The following CARS1 variants were observed in gnomAD, a reference collection of about 807,000 sequenced individuals.
CARS1 encodes cysteinyl-tRNA synthetase 1, also known as cysteine--tRNA ligase, cytoplasmic.
CARS1 carries 48 observed loss-of-function variants against 106.2 expected under a neutral mutation model. That is an observed-to-expected ratio of 0.45 (90% CI 0.36 to 0.57). CARS1 has a LOEUF of 0.57. Ranked by LOEUF, CARS1 falls within the 20% of genes least tolerant of loss-of-function variation. CARS1 has a pLI of 0.00. For missense variants in CARS1, 968 were observed against 1,057.2 expected (o/e 0.92, Z 1.17); for synonymous variants, 409 against 403.4 (o/e 1.01, Z -0.17).
rs1196647996 is a variant in CARS1 at position 3,038,606 on chromosome 11, T to C, written c.652-407A>G. Among the ~76,000 whole-genome samples, 2 of 152,222 alleles carry C rather than the reference T, an allele frequency of 1.3e-5. No individual in the cohort carries two copies. Among genetic ancestry groups the C allele is most frequent in the African/African-American group, 4.8e-5 (2 of 41,432 alleles). On this transcript the variant is annotated intron_variant, in intron 6 of 22. Coordinates refer to ENST00000380525, the MANE Select transcript of CARS1 (RefSeq NM_001014437.3). The surrounding 1 kb of genome is among the most constrained non-coding windows in gnomAD (Gnocchi z 4.0). The stretch of plus-strand genomic sequence containing the variant: ...AAAGATTGCTCAGCTCTAATTTTAT[T>C]CCTGTTTTTAATTCCAGAGATAAAA...
In CARS1 at chr11:3,005,358, T is replaced by G. The variant is rs1346544619; in HGVS notation, c.2217+8A>C. ...ATATCACGCTTAAGTCATTTTCACT[T>G]TACTCACCCGTCTCTTTTCTTCTCT... On this transcript the variant is annotated splice_region_variant and intron_variant, in intron 20 of 22. Coordinates refer to ENST00000380525, the MANE Select transcript of CARS1 (RefSeq NM_001014437.3). 1 of 1,602,470 alleles carries G rather than the reference T, an allele frequency of 6.2e-7. No individual in the cohort carries two copies. The highest frequency in any genetic ancestry group is 2.2e-5 in the East Asian group (1 of 44,836).
Position 3,037,794 on chromosome 11 carries a change from G to A in CARS1, c.801+256C>T, listed in dbSNP as rs1216805474. Among the ~76,000 whole-genome samples the A allele has an allele frequency of 6.6e-6, 1 of 152,164 alleles. No homozygotes were observed. The highest frequency in any genetic ancestry group is 1.5e-5 in the Non-Finnish European group (1 of 68,010). On this transcript the variant is annotated intron_variant, in intron 7 of 22. Coordinates refer to ENST00000380525, the MANE Select transcript of CARS1 (RefSeq NM_001014437.3). This position sits in a 1 kb window ranked among gnomAD's most constrained non-coding sequence, Gnocchi z 5.9. ...CTCCTGCCTATCTGATGGAAGTGGT[G>A]GGAGGGTGTGGATCCCGAGTCTCCT...
chr11:3,036,943 CA>C (rs1221803252), intron 7 of CARS1, among the ~76,000 whole-genome samples: 1 of 142,148 alleles, frequency 7.0e-6, no homozygotes, highest in African/African-American at 2.6e-5. Context: ...CCTGTCTCTA[CA>C]AAAAAAAAGT....
chr11:3,031,033 C>T (rs1001070064), intron 7 of CARS1: 1 of 152,178 alleles, frequency 6.6e-6, no homozygotes, highest in African/African-American at 2.4e-5. Context: ...ATGAGACTCA[C>T]ATCTAATTGG....
Position 3,026,711 on chromosome 11 carries a change from G to A in CARS1, c.1118C>T (p.Ala373Val), listed in dbSNP as rs767821875. The A allele has an allele frequency of 6.2e-7, 1 of 1,613,960 alleles. No homozygotes were observed. Among genetic ancestry groups the A allele is most frequent in the South Asian group, 1.1e-5 (1 of 91,016 alleles). The change falls in exon 10 of 23, where the codon GCC becomes GTC. Residue 373 changes from alanine to valine, a missense_variant. Physicochemically the swap from Ala to Val is moderately conservative, Grantham distance 64. Transcript: ENST00000380525. ...TTGAAGGGCTTTCTGATCTCCAACG[G>A]CCTCAGGCACCAGCTTCCCATAGGA... ...KHSYGKLVPE[A>V]VGDQKALQEG... is the part of the protein sequence containing the mutation.
intron 7 of CARS1, among the ~76,000 whole-genome samples, chr11:3,031,996 T>TTCCTTCCC (rs1365442301): frequency 5.0e-4 from 8 of 16,050 alleles, no homozygotes; most frequent in African/African-American, 1.5e-3. Flanking sequence ...CCTTCCTTCC[T>TTCCTTCCC]TCCCTCCCTC....
intron 18 of CARS1, among the ~76,000 whole-genome samples, chr11:3,010,223 C>T (rs2134108320): frequency 6.6e-6 from 1 of 152,390 alleles, no homozygotes; most frequent in Non-Finnish European, 1.5e-5. Flanking sequence ...GCCAGTCCCC[C>T]TTTAGCGCCC....
At position 3,011,586 on chromosome 11, in the gene CARS1, C is replaced by A. The variant is rs142691184; in HGVS notation, c.2068+609G>T. 1.9e-3 allele frequency among the ~76,000 whole-genome samples: 288 copies of A among 152,288 alleles called. 1 individual carries two copies. Among genetic ancestry groups the A allele is most frequent in the African/African-American group, 6.7e-3 (279 of 41,560 alleles). On this transcript the variant is annotated intron_variant, in intron 18 of 22. Coordinates refer to ENST00000380525, the MANE Select transcript of CARS1 (RefSeq NM_001014437.3). ...CCGAGATCGCGCCACTGCACTCCAGCCTGGGAGACAGAGTGAGACTCCATC... is the reference window on the plus strand; with the variant it reads ...CCGAGATCGCGCCACTGCACTCCAGACTGGGAGACAGAGTGAGACTCCATC...
At position 3,001,054 on chromosome 11, in the gene CARS1, C is replaced by A; in HGVS notation, c.*60G>T. On this transcript the variant is annotated 3_prime_UTR_variant, in exon 23 of 23. Transcript: ENST00000380525. ...CATGATAGGAGCGCTGGGACATTGTCACTGAGGCAGACAGCAGCCACTAGT... is the reference window on the plus strand; with the variant it reads ...CATGATAGGAGCGCTGGGACATTGTAACTGAGGCAGACAGCAGCCACTAGT... 1 of 1,588,380 alleles carries A rather than the reference C, an allele frequency of 6.3e-7. No homozygotes were observed. The highest frequency in any genetic ancestry group is 1.1e-5 in the South Asian group (1 of 90,360).
chr11:3,040,690 T>G lies in CARS1; in HGVS notation c.455+206A>C, dbSNP rs2134257073. 1.4e-6 allele frequency: 1 copy of G among 696,228 alleles called. No individual in the cohort carries two copies. 43.1% of individuals were successfully genotyped at this position (696,228 alleles called of 1,614,324 possible). On this transcript the variant is annotated intron_variant, in intron 4 of 22. Coordinates refer to ENST00000380525, the MANE Select transcript of CARS1 (RefSeq NM_001014437.3). This position sits in a 1 kb window ranked among gnomAD's most constrained non-coding sequence, Gnocchi z 5.8. Reference sequence around the variant, plus strand: ...ATTTTCTTTTTGGTGATCTGTAGTCTTTCTGCAGTGAATATAGATTACTTA... The same window carrying G: ...ATTTTCTTTTTGGTGATCTGTAGTCGTTCTGCAGTGAATATAGATTACTTA...
chr11:3,049,878 G>A (rs900118793), intron 1 of CARS1, among the ~76,000 whole-genome samples: 8 of 152,266 alleles, frequency 5.3e-5, no homozygotes, highest in Non-Finnish European at 1.0e-4. Context: ...AGAGTGTGTT[G>A]CGGGGGTAAC....
rs1405489645 is a variant in CARS1 at position 3,052,293 on chromosome 11, C to A, written c.26-4292G>T. Among the ~76,000 whole-genome samples the A allele has an allele frequency of 6.6e-6, 1 of 152,208 alleles. No homozygotes were observed. Among genetic ancestry groups the A allele is most frequent in the Non-Finnish European group, 1.5e-5 (1 of 68,040 alleles). ...TCACGGTAAAACACGCTCATAACAT[C>A]AGCCCTGTAAAGCTGCAGGCCATTA... On this transcript the variant is annotated intron_variant, in intron 1 of 22. Coordinates refer to ENST00000380525, the MANE Select transcript of CARS1 (RefSeq NM_001014437.3). This position sits in a 1 kb window ranked among gnomAD's most constrained non-coding sequence, Gnocchi z 4.6.
At chr11:3,049,289 C>A (rs978419133) in intron 1 of CARS1, among the ~76,000 whole-genome samples, 2 of 152,078 alleles carry the variant, frequency 1.3e-5, no homozygotes, top group Non-Finnish European at 2.9e-5. Context: ...TAATCATACT[C>A]CCTTTAAATC....
Position 3,028,940 on chromosome 11 carries a change from C to T in CARS1, c.1031+56G>A, listed in dbSNP as rs1852401036. 5 of 1,219,204 alleles carry T rather than the reference C, an allele frequency of 4.1e-6. No individual in the cohort carries two copies. In the South Asian group the frequency reaches 6.0e-5, roughly 15 times the overall value. 75.5% of individuals were successfully genotyped at this position (1,219,204 alleles called of 1,614,324 possible). A position where few individuals can be genotyped will look rare whatever the true frequency, so the allele number is the denominator to read the frequency against. On this transcript the variant is annotated intron_variant, in intron 9 of 22. Transcript: ENST00000380525. This position sits in a 1 kb window ranked among gnomAD's most constrained non-coding sequence, Gnocchi z 4.4. ...ACTCAGGCTCAGAGCTGGGGAGCTC[C>T]TCCCTGTGCGATGTTCTGCAGCCCT...
chr11:3,011,362 T>C (rs1850432100), intron 18 of CARS1, among the ~76,000 whole-genome samples: 1 of 151,740 alleles, frequency 6.6e-6, no homozygotes, highest in Non-Finnish European at 1.5e-5. Flanking sequence ...TCCCAGCACT[T>C]TGGGAGGCCG....
In CARS1 at chr11:3,046,437, C is replaced by A. The variant is rs187873802; in HGVS notation, c.274+1316G>T. Among the ~76,000 whole-genome samples the A allele has an allele frequency of 1.3e-5, 2 of 152,276 alleles. No homozygotes were observed. The highest frequency in any genetic ancestry group is 1.3e-4 in the Admixed American group (2 of 15,292). ...ACAGCACAGGTGTCACTTGGGTGAC[C>A]GCGCTGGAGGCTCAGGCAGGAACGG... On this transcript the variant is annotated intron_variant, in intron 2 of 22. Coordinates refer to ENST00000380525, the MANE Select transcript of CARS1 (RefSeq NM_001014437.3). The surrounding 1 kb of genome is among the most constrained non-coding windows in gnomAD (Gnocchi z 5.8).
At position 3,019,382 on chromosome 11, in the gene CARS1, G is replaced by A. The variant is rs748860919; in HGVS notation, c.1267-115C>T. ...TCCTCTGAACTTTATTGGAACAAGC[G>A]TTAAATCCCGCACATGAAAAGACTA... On this transcript the variant is annotated intron_variant, in intron 11 of 22. Coordinates refer to ENST00000380525, the MANE Select transcript of CARS1 (RefSeq NM_001014437.3). The surrounding 1 kb of genome is among the most constrained non-coding windows in gnomAD (Gnocchi z 6.2). The A allele has an allele frequency of 1.4e-5, 16 of 1,149,562 alleles. No individual in the cohort carries two copies. Among genetic ancestry groups the A allele is most frequent in the South Asian group, 3.3e-5 (1 of 30,388 alleles). 71.2% of individuals were successfully genotyped at this position (1,149,562 alleles called of 1,614,324 possible). A position where few individuals can be genotyped will look rare whatever the true frequency, so the allele number is the denominator to read the frequency against.
chr11:3,018,676 AT>A lies in CARS1; in HGVS notation c.1468del (p.Met490CysfsTer5). The A allele has an allele frequency of 6.2e-7, 1 of 1,614,174 alleles. No individual in the cohort carries two copies. The highest frequency in any genetic ancestry group is 8.5e-7 in the Non-Finnish European group (1 of 1,180,032). On this transcript the variant is annotated frameshift_variant, in exon 13 of 23. Transcript: ENST00000380525. LOFTEE classifies it high-confidence loss of function. ...GATGAAGTTTTTTAGTGACTTTGAC[AT>A]TTTGCAGCCTGCAATGGTCAGGTGG... is the stretch of plus-strand genomic sequence containing the variant. ...TGHLTIAGCK[M>X]SKSLKNFITI...
At chr11:3,010,586 G>C (rs1464238660) in intron 18 of CARS1, among the ~76,000 whole-genome samples, 2 of 152,216 alleles carry the variant, frequency 1.3e-5, no homozygotes, top group African/African-American at 4.8e-5. Context: ...GCTCAGTCAG[G>C]CCCAGGCCCC....
Sources: gnomAD v4.1 joint callset for allele counts (sites outside exome capture counted in the v4.1 genomes callset) on GRCh38, gnomAD v4.1.1 for gene constraint, Gnocchi (gnomAD v3.1) non-coding constraint, MANE v1.5 for transcripts, NCBI Gene and HGNC (gene_info 2026-07-23, HGNC 2026-07-21) for gene names.